Variants in KCNIP1 observed in about 807,000 individuals in gnomAD.
KCNIP1 encodes the protein A-type potassium channel modulatory protein KCNIP1.
A neutral mutation model predicts 33.0 loss-of-function variants in KCNIP1; 18 were observed. The observed-to-expected ratio is 0.55, with a 90% CI of 0.38 to 0.81. The LOEUF is 0.81. Ranked by LOEUF, KCNIP1 falls within the 30% of genes least tolerant of loss-of-function variation. The probability of loss-of-function intolerance (pLI) is 0.00; values close to 1 mark genes in which losing one functional copy is unlikely to be tolerated. For synonymous variants in KCNIP1, 93 were observed against 98.3 expected, an observed-to-expected ratio of 0.95 and a Z score of 0.32; for missense variants, 238 against 271.6, an observed-to-expected ratio of 0.88 and a Z score of 0.87.
chr5:170,434,506 G>T (rs1349181784), intron 1 of KCNIP1, among the ~76,000 whole-genome samples: 1 of 152,214 alleles, frequency 6.6e-6, no homozygotes, highest in Admixed American at 6.5e-5. Context: ...AATTGTAAGA[G>T]CACTCAGGTT....
chr5:170,633,774 G>A (rs1198774439), intron 1 of KCNIP1, among the ~76,000 whole-genome samples: 2 of 127,618 alleles, frequency 1.6e-5, no homozygotes, highest in African/African-American at 5.9e-5. Flanking sequence ...GGGATGGGGC[G>A]GGGCGGGGTG....
chr5:170,660,371 TAAAA>T lies in KCNIP1; in HGVS notation c.62-58375_62-58372del, dbSNP rs61001714. Among the ~76,000 whole-genome samples, 457 of 137,970 alleles carry T rather than the reference TAAAA, an allele frequency of 3.3e-3. 2 individuals are homozygous for T. Among genetic ancestry groups the T allele is most frequent in the African/African-American group, 0.011 (432 of 39,442 alleles). The allele number at this position is 137,970 out of a possible 152,430, so 90.5% of individuals were successfully genotyped here. A position where few individuals can be genotyped will look rare whatever the true frequency, so the allele number is the denominator to read the frequency against. On this transcript the variant is annotated intron_variant, in intron 1 of 7. Transcript: ENST00000328939. Reference sequence around the variant, plus strand: ...AATATTTAAAGGAGAATGATTTTTATAAAAAAAAAAAAAAACATTCATTTGTCTA... The same window carrying T: ...AATATTTAAAGGAGAATGATTTTTATAAAAAAAAAAACATTCATTTGTCTA...
intron 1 of KCNIP1, among the ~76,000 whole-genome samples, chr5:170,358,563 C>T (rs1763410871): frequency 1.3e-5 from 2 of 152,212 alleles, no homozygotes; most frequent in African/African-American, 4.8e-5. Flanking sequence ...CACCCCAAGC[C>T]AAGGCTCCCC....
At chr5:170,706,515 G>A (rs558527080) in intron 1 of KCNIP1, among the ~76,000 whole-genome samples, 16 of 152,214 alleles carry the variant, frequency 1.1e-4, no homozygotes, top group African/African-American at 3.1e-4. Flanking sequence ...GCCTACCAAC[G>A]CTAGCTCTCT....
At chr5:170,651,551 T>C (rs1017504906) in intron 1 of KCNIP1, among the ~76,000 whole-genome samples, 2 of 152,208 alleles carry the variant, frequency 1.3e-5, no homozygotes, top group Non-Finnish European at 2.9e-5. Flanking sequence ...CAGTCAATGG[T>C]GCAGCCATCT....
At chr5:170,378,785 G>A in intron 1 of KCNIP1, 1 of 1,614,248 alleles carries the variant, frequency 6.2e-7, no homozygotes, top group Middle Eastern at 1.6e-4. Flanking sequence ...TCAGCAGGAA[G>A]GTGGGCCAGA....
rs148732139 is a variant in KCNIP1 at position 170,388,891 on chromosome 5, C to T, written c.88+34927C>T. 1.4e-3 allele frequency among the ~76,000 whole-genome samples: 211 copies of T among 152,334 alleles called. 1 individual carries two copies. Among genetic ancestry groups the T allele is most frequent in the African/African-American group, 4.8e-3 (199 of 41,580 alleles). On this transcript the variant is annotated intron_variant, in intron 1 of 7. Coordinates refer to the KCNIP1 transcript ENST00000377360. The stretch of plus-strand genomic sequence containing the variant: ...AGTAAATATTAGCTATTACTACTAA[C>T]GAAGGAAACCCTGAAAGTTTGGAGC...
intron 1 of KCNIP1, among the ~76,000 whole-genome samples, chr5:170,457,661 G>A (rs1756416837): frequency 6.6e-6 from 1 of 152,102 alleles, no homozygotes; most frequent in South Asian, 2.1e-4. Context: ...ATACATCAAG[G>A]GAACACCCCA....
intron 1 of KCNIP1, among the ~76,000 whole-genome samples, chr5:170,606,456 A>G (rs915143195): frequency 6.6e-6 from 1 of 152,056 alleles, no homozygotes; most frequent in African/African-American, 2.4e-5. Flanking sequence ...TTACTTTTTA[A>G]TCACCAGGCA....
At chr5:170,674,051 A>T (rs1398967355) in intron 1 of KCNIP1, among the ~76,000 whole-genome samples, 1 of 151,698 alleles carries the variant, frequency 6.6e-6, no homozygotes, top group Non-Finnish European at 1.5e-5. Flanking sequence ...CAGATATTTC[A>T]TTGTGATGGG....
chr5:170,353,587 C>T (rs1763268013), exon 1 of KCNIP1: 3 of 510,334 alleles, frequency 5.9e-6, no homozygotes, highest in African/African-American at 5.8e-5. Flanking sequence ...ACCTTGTGCC[C>T]CGGCAGTGCT....
chr5:170,462,884 T>C (rs1197035273), intron 1 of KCNIP1, among the ~76,000 whole-genome samples: 1 of 152,142 alleles, frequency 6.6e-6, no homozygotes, highest in Non-Finnish European at 1.5e-5. Context: ...AAATCAATCA[T>C]CATATGTTCT....
chr5:170,532,385 A>G (rs1755818564), intron 1 of KCNIP1, among the ~76,000 whole-genome samples: 1 of 152,144 alleles, frequency 6.6e-6, no homozygotes. Flanking sequence ...CTTGGTCCTC[A>G]GTCTTCTTTC....
chr5:170,499,587 C>T (rs1757373306), upstream of KCNIP1, among the ~76,000 whole-genome samples: 2 of 152,218 alleles, frequency 1.3e-5, no homozygotes, highest in Non-Finnish European at 2.9e-5. Context: ...AATTAATGCT[C>T]TCAATCTGAC....
intron 1 of KCNIP1, among the ~76,000 whole-genome samples, chr5:170,581,155 T>C (rs1000979107): frequency 3.9e-5 from 6 of 152,296 alleles, no homozygotes; most frequent in Middle Eastern, 3.4e-3. Context: ...TCACTTCACG[T>C]CCAACCCCCA....
chr5:170,606,534 G>T (rs1427562927), intron 1 of KCNIP1, among the ~76,000 whole-genome samples: 1 of 152,128 alleles, frequency 6.6e-6, no homozygotes, highest in Non-Finnish European at 1.5e-5. Flanking sequence ...AGACTGGCTG[G>T]AGAACAGGAA....
intron 1 of KCNIP1, among the ~76,000 whole-genome samples, chr5:170,619,479 G>A (rs924837577): frequency 6.6e-6 from 1 of 152,174 alleles, no homozygotes; most frequent in Non-Finnish European, 1.5e-5. Flanking sequence ...AAGGAGGTCT[G>A]CTAGATTGGA....
At chr5:170,485,347 A>G (rs1757065856) in intron 1 of KCNIP1, among the ~76,000 whole-genome samples, 1 of 152,126 alleles carries the variant, frequency 6.6e-6, no homozygotes, top group African/African-American at 2.4e-5. Flanking sequence ...TTTCTTAAGG[A>G]TAAAACCTTT....
intron 1 of KCNIP1, among the ~76,000 whole-genome samples, chr5:170,483,468 G>A (rs1757020197): frequency 6.6e-6 from 1 of 152,164 alleles, no homozygotes; most frequent in Admixed American, 6.5e-5. Context: ...AAGGATATCT[G>A]GCTGGTTGTA....
Sources: allele counts gnomAD v4.1 joint callset (sites outside exome capture counted in the v4.1 genomes callset), GRCh38; gene constraint gnomAD v4.1.1; transcripts MANE v1.5; gene names NCBI Gene and HGNC (gene_info 2026-07-23, HGNC 2026-07-21).